The following COL5A1 variants were observed in gnomAD, a reference collection of about 807,000 sequenced individuals.
COL5A1 encodes the protein collagen type V alpha 1 chain.
In COL5A1, 16 loss-of-function variants were observed where a neutral mutation model predicts 263.7. The observed-to-expected ratio is 0.06, with a 90% CI of 0.04 to 0.09. The LOEUF is 0.09. Among genes scored for constraint, COL5A1 ranks in the 10% least tolerant of loss-of-function variants. COL5A1 has a pLI of 1.00. For missense variants in COL5A1, 2,036 were observed against 2,540.5 expected, an observed-to-expected ratio of 0.80 and a Z score of 4.27; for synonymous variants, 1,012 against 1,004.5, an observed-to-expected ratio of 1.01 and a Z score of -0.14.
chr9:134,749,829 A>G (rs1408324014), intron 11 of COL5A1, among the ~76,000 whole-genome samples: 1 of 152,244 alleles, frequency 6.6e-6, no homozygotes, highest in African/African-American at 2.4e-5. Flanking sequence ...GTGATCAAAT[A>G]TTATTTTGAA....
chr9:134,789,198 A>G lies in COL5A1; in HGVS notation c.2690A>G (p.Lys897Arg). 1 of 1,612,902 alleles carries G rather than the reference A, an allele frequency of 6.2e-7. No individual in the cohort carries two copies. The highest frequency in any genetic ancestry group is 8.5e-7 in the Non-Finnish European group (1 of 1,179,924). The part of the protein sequence containing the change: ...FPGFPGANGE[K>R]GGRGTPGKPG... ...GGATTTCCTGGCGCCAATGGAGAGA[A>G]GGGCGGCAGGGTAAGGATAGCCTGG... is the stretch of plus-strand genomic sequence containing the variant. Residue 897 changes from lysine to arginine, a missense_variant, in exon 32 of 66, where the codon AAG becomes AGG. By Grantham distance (26) the Lys-to-Arg change is conservative. Transcript: ENST00000371817. The surrounding 1 kb of genome is among the most constrained non-coding windows in gnomAD (Gnocchi z 4.8).
At chr9:134,723,101 C>T (rs1168766820) in intron 4 of COL5A1, among the ~76,000 whole-genome samples, 1 of 152,166 alleles carries the variant, frequency 6.6e-6, no homozygotes, top group Non-Finnish European at 1.5e-5. Context: ...GAGGTGAAGT[C>T]TGGAAGGAGA....
chr9:134,828,405 C>T (rs181623033), intron 63 of COL5A1, among the ~76,000 whole-genome samples: 76 of 152,110 alleles, frequency 5.0e-4, no homozygotes, highest in Admixed American at 2.7e-3. Context: ...AGCCCTCACC[C>T]GCACACGTCT....
intron 4 of COL5A1, among the ~76,000 whole-genome samples, chr9:134,710,996 G>T (rs1834024379): frequency 6.7e-6 from 1 of 149,808 alleles, no homozygotes; most frequent in Non-Finnish European, 1.5e-5. Flanking sequence ...CCGTTTGTTG[G>T]GTGCAGTGGT....
At chr9:134,748,484 C>G (rs189287951) in intron 11 of COL5A1, among the ~76,000 whole-genome samples, 210 of 152,366 alleles carry the variant, frequency 1.4e-3, no homozygotes, top group African/African-American at 4.6e-3. Context: ...GACCCCAAAT[C>G]TTAAATGCAA....
At position 134,843,107 on chromosome 9, in the gene COL5A1, A is replaced by G. The variant is rs1245393291; in HGVS notation, c.*804A>G. 1 of 152,022 alleles carries G rather than the reference A, an allele frequency of 6.6e-6. No homozygotes were observed. Among genetic ancestry groups the G allele is most frequent in the Non-Finnish European group, 1.5e-5 (1 of 67,980 alleles). 9.4% of individuals were successfully genotyped at this position (152,022 alleles called of 1,614,324 possible). A position where few individuals can be genotyped will look rare whatever the true frequency, so the allele number is the denominator to read the frequency against. On this transcript the variant is annotated 3_prime_UTR_variant, in exon 66 of 66. Transcript: ENST00000371817. Reference sequence around the variant, plus strand: ...AGCAAGAATTTATGCTGCCATTGAAAAGCAGGTACCAGTGCCCCTTTTCAG... The same window carrying G: ...AGCAAGAATTTATGCTGCCATTGAAGAGCAGGTACCAGTGCCCCTTTTCAG...
intron 2 of COL5A1, among the ~76,000 whole-genome samples, chr9:134,698,471 T>C (rs1052064493): frequency 6.6e-6 from 1 of 152,216 alleles, no homozygotes; most frequent in Non-Finnish European, 1.5e-5. Flanking sequence ...CCTGGAGTAG[T>C]GGCCCCTCAT....
chr9:134,795,000 C>G lies in COL5A1; in HGVS notation c.2701-82C>G. On this transcript the variant is annotated intron_variant, in intron 32 of 65. Coordinates refer to ENST00000371817, the MANE Select transcript of COL5A1 (RefSeq NM_000093.5). The surrounding 1 kb of genome is among the most constrained non-coding windows in gnomAD (Gnocchi z 4.3). ...CTATCCTGCTCTGAATTCACAGTCT[C>G]TCAATAACCCGGGAGACAGCTGCCA... The G allele has an allele frequency of 1.3e-5, 19 of 1,490,772 alleles. No homozygotes were observed. The highest frequency in any genetic ancestry group is 1.7e-5 in the Non-Finnish European group (18 of 1,070,444). The allele number at this position is 1,490,772 out of a possible 1,614,324, so 92.3% of individuals were successfully genotyped here. A position where few individuals can be genotyped will look rare whatever the true frequency, so the allele number is the denominator to read the frequency against.
intron 25 of COL5A1, among the ~76,000 whole-genome samples, chr9:134,770,212 T>C (rs1836824997): frequency 6.6e-6 from 1 of 152,258 alleles, no homozygotes; most frequent in Non-Finnish European, 1.5e-5. Flanking sequence ...ACATTGAGGG[T>C]AAACCCTACA....
intron 34 of COL5A1, among the ~76,000 whole-genome samples, chr9:134,796,117 T>C (rs1363716348): frequency 1.3e-5 from 2 of 152,182 alleles, no homozygotes; most frequent in Non-Finnish European, 2.9e-5. Flanking sequence ...TTTGTCCCAC[T>C]CAGGAGACTG....
intron 1 of COL5A1, among the ~76,000 whole-genome samples, chr9:134,669,294 C>CCCTTCCCTTCCCTTCCCTT (rs1564376512): frequency 2.3e-5 from 1 of 42,938 alleles, no homozygotes. Context: ...TCCCTTCCCT[C>CCCTTCCCTTCCCTTCCCTT]CCCTCCCCTC....
At chr9:134,830,487 G>A in intron 64 of COL5A1, 1 of 491,160 alleles carries the variant, frequency 2.0e-6, no homozygotes, top group Non-Finnish European at 3.7e-6. Flanking sequence ...AGGCACCTGA[G>A]CACTGAGGTC....
At chr9:134,720,369 G>A (rs1436199682) in intron 4 of COL5A1, among the ~76,000 whole-genome samples, 1 of 152,196 alleles carries the variant, frequency 6.6e-6, no homozygotes, top group Non-Finnish European at 1.5e-5. Context: ...CCAGTGCCGG[G>A]CAAGGCTCCA....
rs569049894 is a variant in COL5A1, at chr9:134,654,945, G to C, written c.109+12649G>C. On this transcript the variant is annotated intron_variant, in intron 1 of 65. Transcript: ENST00000371817. ...GCTGGGGGTGTGTAGGGCTGGGGGT[G>C]TGTAGAGCTGGGGGAGGGTAGGGCT... 9.9e-4 allele frequency among the ~76,000 whole-genome samples: 83 copies of C among 84,006 alleles called. 3 individuals carry two copies. The South Asian group carries it at 0.025, about 26-fold the overall frequency. The allele number at this position is 84,006 out of a possible 152,430, so 55.1% of individuals were successfully genotyped here. A position where few individuals can be genotyped will look rare whatever the true frequency, so the allele number is the denominator to read the frequency against.
In COL5A1 at chr9:134,716,639, G is replaced by T. The variant is rs1455714114; in HGVS notation, c.655-10627G>T. ...CCCCTGCCATTGGTGCTGCCATTTC[G>T]TCCCTTGGTCTAGAGATGAGGCCCC... On this transcript the variant is annotated intron_variant, in intron 4 of 65. Coordinates refer to ENST00000371817, the MANE Select transcript of COL5A1 (RefSeq NM_000093.5). The surrounding 1 kb of genome is among the most constrained non-coding windows in gnomAD (Gnocchi z 4.5). 6.6e-6 allele frequency among the ~76,000 whole-genome samples: 1 copy of T among 152,160 alleles called. No individual in the cohort carries two copies. Among genetic ancestry groups the T allele is most frequent in the Non-Finnish European group, 1.5e-5 (1 of 68,042 alleles).
intron 65 of COL5A1, among the ~76,000 whole-genome samples, chr9:134,838,455 A>C (rs1406982679): frequency 6.6e-6 from 1 of 152,076 alleles, no homozygotes; most frequent in Non-Finnish European, 1.5e-5. Flanking sequence ...TGAGATCAGG[A>C]CCCTCAAAGC....
In COL5A1 at chr9:134,834,923, CTG is replaced by C. The variant is rs773707587; in HGVS notation, c.5137-40_5137-39del. On this transcript the variant is annotated intron_variant, in intron 64 of 65. Transcript: ENST00000371817. ...GCAGTGCGGACGTGGGGCTTTGTTG[CTG>C]TGTGTGTCCCCACCCTGCTGAGCCC... The C allele has an allele frequency of 1.0e-5, 14 of 1,349,458 alleles. 1 individual carries two copies. The African/African-American group carries it at 2.0e-4, about 19-fold the overall frequency. The allele number at this position is 1,349,458 out of a possible 1,614,324, so 83.6% of individuals were successfully genotyped here. A position where few individuals can be genotyped will look rare whatever the true frequency, so the allele number is the denominator to read the frequency against.
intron 11 of COL5A1, among the ~76,000 whole-genome samples, chr9:134,740,603 C>G (rs1247124330): frequency 6.6e-6 from 1 of 152,246 alleles, no homozygotes; most frequent in Admixed American, 6.5e-5. Context: ...TTCTATCCAT[C>G]CAGCGTACAG....
chr9:134,679,731 T>C (rs1213850539), intron 1 of COL5A1, among the ~76,000 whole-genome samples: 3 of 127,298 alleles, frequency 2.4e-5, no homozygotes, highest in African/African-American at 7.1e-5. Flanking sequence ...TACGGGGCAC[T>C]GTGGGGCTTC....
Sources: gnomAD v4.1 joint callset for allele counts (sites outside exome capture counted in the v4.1 genomes callset) on GRCh38, gnomAD v4.1.1 for gene constraint, Gnocchi (gnomAD v3.1) non-coding constraint, MANE v1.5 for transcripts, NCBI Gene and HGNC (gene_info 2026-07-23, HGNC 2026-07-21) for gene names.